Variants in CTNNA1 observed in about 807,000 individuals in gnomAD.
The protein encoded by CTNNA1 is catenin alpha 1.
In CTNNA1, 37 loss-of-function variants were observed where a neutral mutation model predicts 98.4. That is an observed-to-expected ratio of 0.38 (90% CI 0.29 to 0.49). The LOEUF is 0.49. Among genes scored for constraint, CTNNA1 ranks in the 20% least tolerant of loss-of-function variants. The probability of loss-of-function intolerance (pLI) is 0.95; values close to 1 mark genes in which losing one functional copy is unlikely to be tolerated. For synonymous variants in CTNNA1, 404 were observed against 413.2 expected, an observed-to-expected ratio of 0.98 and a Z score of 0.27; for missense variants, 761 against 1,147.2, an observed-to-expected ratio of 0.66 and a Z score of 4.86.
At chr5:138,902,298 A>G (rs1363553196) in intron 9 of CTNNA1, among the ~76,000 whole-genome samples, 1 of 152,220 alleles carries the variant, frequency 6.6e-6, no homozygotes, top group Non-Finnish European at 1.5e-5. Flanking sequence ...AGGATTCATA[A>G]GATTGAGAAT....
intron 7 of CTNNA1, chr5:138,871,668 T>A (rs1006374899): frequency 2.6e-5 from 4 of 152,244 alleles, no homozygotes; most frequent in African/African-American, 9.6e-5. Flanking sequence ...CCTTTCCTTT[T>A]AATCCCTCAC....
intron 1 of CTNNA1, chr5:138,753,719 G>A (rs1002828624): frequency 3.1e-6 from 1 of 322,278 alleles, no homozygotes; most frequent in Non-Finnish European, 5.6e-6. Flanking sequence ...CAGGGCCCGA[G>A]TATGGGGCCC....
At chr5:138,861,520 A>G (rs898457579) in intron 7 of CTNNA1, among the ~76,000 whole-genome samples, 1 of 152,210 alleles carries the variant, frequency 6.6e-6, no homozygotes, top group African/African-American at 2.4e-5. Flanking sequence ...GCCTATTCTT[A>G]AAGAATTCTA....
At chr5:138,872,902 T>C (rs1376466732) in intron 7 of CTNNA1, 1 of 730,300 alleles carries the variant, frequency 1.4e-6, no homozygotes, top group Non-Finnish European at 2.1e-6. Flanking sequence ...CCACTTAGTT[T>C]GGAAAATTAG....
chr5:138,858,773 A>T (rs1013980638), intron 7 of CTNNA1, among the ~76,000 whole-genome samples: 6 of 151,700 alleles, frequency 4.0e-5, no homozygotes, highest in African/African-American at 1.4e-4. Flanking sequence ...TTTTGTTTGT[A>T]TTTTTAGTAG....
chr5:138,911,325 G>A (rs1760572604), intron 10 of CTNNA1, among the ~76,000 whole-genome samples: 4 of 152,078 alleles, frequency 2.6e-5, no homozygotes, highest in Admixed American at 2.6e-4. Context: ...CAGAATAATG[G>A]CCTCCCAAAC....
intron 3 of CTNNA1, among the ~76,000 whole-genome samples, chr5:138,808,160 G>C (rs1290805947): frequency 3.9e-5 from 6 of 152,176 alleles, no homozygotes; most frequent in Non-Finnish European, 7.3e-5. Flanking sequence ...AGAGCACCTT[G>C]TTCACAAGGC....
At chr5:138,908,241 T>G (rs554632537) in intron 10 of CTNNA1, among the ~76,000 whole-genome samples, 9 of 152,210 alleles carry the variant, frequency 5.9e-5, no homozygotes, top group African/African-American at 1.9e-4. Flanking sequence ...CAGGCATGAG[T>G]CACTGTGCCC....
At chr5:138,857,938 T>C (rs1459518798) in intron 7 of CTNNA1, among the ~76,000 whole-genome samples, 1 of 152,210 alleles carries the variant, frequency 6.6e-6, no homozygotes, top group African/African-American at 2.4e-5. Context: ...GAAAGAATTA[T>C]ACAGTGAACC....
chr5:138,805,732 C>T (rs974855018), intron 3 of CTNNA1, among the ~76,000 whole-genome samples: 2 of 151,684 alleles, frequency 1.3e-5, no homozygotes, highest in Non-Finnish European at 2.9e-5. Context: ...ACTGCAGACA[C>T]ATGCCACTGC....
Position 138,873,919 on chromosome 5 carries a change from G to T in CTNNA1, c.1063-12293G>T, listed in dbSNP as rs1400784482. ...CAAAATTAATCTTCGTCAGCTGGTT[G>T]TGCTCTAGGTGAAGCTCTCTCAGTT... On this transcript the variant is annotated intron_variant, in intron 7 of 17. Transcript: ENST00000302763. The surrounding 1 kb of genome is among the most constrained non-coding windows in gnomAD (Gnocchi z 6.1). 9 of 1,614,032 alleles carry T rather than the reference G, an allele frequency of 5.6e-6. No individual in the cohort carries two copies. Among genetic ancestry groups the T allele is most frequent in the Admixed American group, 5.0e-5 (3 of 60,030 alleles).
intron 9 of CTNNA1, among the ~76,000 whole-genome samples, chr5:138,891,801 A>G (rs1448789653): frequency 1.3e-5 from 2 of 152,124 alleles, no homozygotes; most frequent in Admixed American, 6.6e-5. Flanking sequence ...ACAAAAAACC[A>G]TAAGATACAT....
chr5:138,842,196 AG>A (rs1358854648), intron 7 of CTNNA1, among the ~76,000 whole-genome samples: 1 of 152,136 alleles, frequency 6.6e-6, no homozygotes, highest in Admixed American at 6.6e-5. Context: ...GCTACTCGGG[AG>A]GCTGAGGTAA....
chr5:138,918,682 A>G (rs1167311817), intron 11 of CTNNA1, among the ~76,000 whole-genome samples: 1 of 152,214 alleles, frequency 6.6e-6, no homozygotes, highest in African/African-American at 2.4e-5. Context: ...TTTCAATCCC[A>G]TCTTCTTAGA....
chr5:138,882,904 C>T (rs1366282436), intron 7 of CTNNA1, among the ~76,000 whole-genome samples: 3 of 152,266 alleles, frequency 2.0e-5, no homozygotes, highest in Admixed American at 1.3e-4. Flanking sequence ...TCTCGGTTCA[C>T]TGCAACCTCT....
chr5:138,797,554 C>T (rs1757105298), intron 3 of CTNNA1, among the ~76,000 whole-genome samples: 1 of 152,086 alleles, frequency 6.6e-6, no homozygotes, highest in South Asian at 2.1e-4. Context: ...AATATTTTTT[C>T]TGGACCTTAA....
Position 138,924,610 on chromosome 5 carries a change from A to G in CTNNA1, c.1647A>G (p.Ala549=). Residue 549 remains alanine, a synonymous_variant, in exon 12 of 18, where the codon GCA becomes GCG. Coordinates refer to ENST00000302763, the MANE Select transcript of CTNNA1 (RefSeq NM_001903.5). The part of the protein sequence containing the change: ...DRTAGAIRGR[A]ARVIHVVTSE... ...CAGCTGGTGCAATTCGAGGCCGGGC[A>G]GCCCGGGTCATTCACGTAGTCACCT... 1 of 1,614,088 alleles carries G rather than the reference A, an allele frequency of 6.2e-7. No individual in the cohort carries two copies. Among genetic ancestry groups the G allele is most frequent in the Non-Finnish European group, 8.5e-7 (1 of 1,179,992 alleles).
intron 1 of CTNNA1, among the ~76,000 whole-genome samples, chr5:138,769,886 G>C (rs1223324902): frequency 1.3e-5 from 2 of 151,168 alleles, no homozygotes; most frequent in Non-Finnish European, 2.9e-5. Flanking sequence ...CGGTCTTGTC[G>C]TCCAGGCTGG....
Position 138,904,460 on chromosome 5 carries a change from T to G in CTNNA1, c.1389+19T>G, listed in dbSNP as rs757333952. ...TCCTCAGGTAAAGTACAACTGACAC[T>G]GGTGACAGCATAACCAAATTAAATT... On this transcript the variant is annotated intron_variant, in intron 10 of 17. Coordinates refer to ENST00000302763, the MANE Select transcript of CTNNA1 (RefSeq NM_001903.5). 63 of 1,604,256 alleles carry G rather than the reference T, an allele frequency of 3.9e-5. 1 individual carries two copies. In the South Asian group the frequency reaches 6.8e-4, roughly 17 times the overall value.
Sources: gnomAD v4.1 joint callset for allele counts (sites outside exome capture counted in the v4.1 genomes callset) on GRCh38, gnomAD v4.1.1 for gene constraint, Gnocchi (gnomAD v3.1) non-coding constraint, MANE v1.5 for transcripts, NCBI Gene and HGNC (gene_info 2026-07-23, HGNC 2026-07-21) for gene names.